AMPH: variants seen among roughly 807,000 people sequenced by gnomAD.
The protein encoded by AMPH is amphiphysin.
A neutral mutation model predicts 99.1 loss-of-function variants in AMPH; 49 were observed. That is an observed-to-expected ratio of 0.49 (90% CI 0.39 to 0.63). The LOEUF is 0.63. Ranked by LOEUF, AMPH falls within the 20% of genes least tolerant of loss-of-function variation. The pLI is 0.00. For missense variants in AMPH, 759 were observed against 863.4 expected, an observed-to-expected ratio of 0.88 and a Z score of 1.52; for synonymous variants, 314 against 317.3, an observed-to-expected ratio of 0.99 and a Z score of 0.11.
chr7:38,606,569 T>C (rs1424282605), intron 1 of AMPH, among the ~76,000 whole-genome samples: 15 of 29,710 alleles, frequency 5.0e-4, no homozygotes, highest in African/African-American at 1.4e-3. Context: ...TCATTCTCTT[T>C]TTTTTTTTTT....
At position 38,394,232 on chromosome 7, in the gene AMPH, G is replaced by T; in HGVS notation, c.1399-18C>A. ...GGTATGATCTGCAGGGCAGAAACCA[G>T]CAGGCCACGTCTGCATCTCCATGGG... On this transcript the variant is annotated intron_variant, in intron 17 of 20. Coordinates refer to ENST00000356264, the MANE Select transcript of AMPH (RefSeq NM_001635.4). The T allele has an allele frequency of 6.2e-7, 1 of 1,613,416 alleles. No individual in the cohort carries two copies. The highest frequency in any genetic ancestry group is 8.5e-7 in the Non-Finnish European group (1 of 1,179,826).
intron 1 of AMPH, among the ~76,000 whole-genome samples, chr7:38,577,080 A>G (rs1256002989): frequency 2.6e-5 from 4 of 152,214 alleles, no homozygotes; most frequent in Non-Finnish European, 4.4e-5. Flanking sequence ...CAACTGTACC[A>G]GTGTGTAATT....
At chr7:38,514,683 T>C (rs13243951) in intron 2 of AMPH, among the ~76,000 whole-genome samples, 132,441 of 152,234 alleles carry the variant, frequency 0.87, 57,919 homozygotes, top group African/African-American at 0.92. Context: ...CCGTTTTGTG[T>C]ACTTGCTTTC....
chr7:38,570,345 T>C (rs10269961), intron 1 of AMPH, among the ~76,000 whole-genome samples: 53,636 of 151,996 alleles, frequency 0.35, 9,604 homozygotes, highest in Admixed American at 0.39. Flanking sequence ...AGTTCTGATG[T>C]TTGTATCAAT....
At chr7:38,579,787 C>T (rs1323857457) in intron 1 of AMPH, among the ~76,000 whole-genome samples, 1 of 152,188 alleles carries the variant, frequency 6.6e-6, no homozygotes, top group Non-Finnish European at 1.5e-5. Context: ...TGTACCAAAT[C>T]TGAAGTATTG....
At chr7:38,518,158 A>G (rs1789823153) in intron 2 of AMPH, among the ~76,000 whole-genome samples, 1 of 152,240 alleles carries the variant, frequency 6.6e-6, no homozygotes, top group Non-Finnish European at 1.5e-5. Context: ...TAGTGTCCAC[A>G]TGGTGATAAT....
At chr7:38,525,483 TAG>T (rs1421832330) in intron 2 of AMPH, among the ~76,000 whole-genome samples, 5 of 150,256 alleles carry the variant, frequency 3.3e-5, no homozygotes, top group African/African-American at 1.2e-4. Flanking sequence ...TGTGTGTGTT[TAG>T]TTTTATGCGA....
intron 1 of AMPH, among the ~76,000 whole-genome samples, chr7:38,571,288 T>TAGA (rs1791999935): frequency 2.1e-5 from 1 of 46,960 alleles, no homozygotes; most frequent in Non-Finnish European, 3.5e-5. Context: ...TTTTTATATA[T>TAGA]ATTTATATAT....
chr7:38,484,820 A>G (rs1456802182), intron 5 of AMPH, among the ~76,000 whole-genome samples: 1 of 152,008 alleles, frequency 6.6e-6, no homozygotes. Flanking sequence ...ATATAAATAT[A>G]TGCAAATTTT....
At chr7:38,540,176 G>A (rs1227232838) in intron 1 of AMPH, among the ~76,000 whole-genome samples, 1 of 152,172 alleles carries the variant, frequency 6.6e-6, no homozygotes, top group Admixed American at 6.5e-5. Flanking sequence ...AGTGCCTCGT[G>A]CATTTTGGTT....
rs530775588 is a variant in AMPH at position 38,459,799 on chromosome 7, A to G, written c.1017+1484T>C. On this transcript the variant is annotated intron_variant, in intron 11 of 20. Transcript: ENST00000356264. ...TCAGTTTAAGGAAAATTGCATGGGT[A>G]AGACCTCAAAAGCACAGATAACTAT... 9.2e-5 allele frequency among the ~76,000 whole-genome samples: 14 copies of G among 152,172 alleles called. No individual in the cohort carries two copies. The South Asian group carries it at 2.7e-3, about 29-fold the overall frequency.
chr7:38,466,814 A>G (rs1028585738), intron 7 of AMPH, among the ~76,000 whole-genome samples: 3 of 152,202 alleles, frequency 2.0e-5, no homozygotes, highest in African/African-American at 7.2e-5. Context: ...CTAACTGCTC[A>G]TCAAAAATAA....
At chr7:38,499,021 C>T in intron 3 of AMPH, among the ~76,000 whole-genome samples, 1 of 152,150 alleles carries the variant, frequency 6.6e-6, no homozygotes, top group East Asian at 1.9e-4. Flanking sequence ...ACTTGATGGC[C>T]ACCTATGACC....
At chr7:38,388,400 T>C (rs544771453) in intron 20 of AMPH, among the ~76,000 whole-genome samples, 57 of 152,252 alleles carry the variant, frequency 3.7e-4, no homozygotes, top group African/African-American at 1.3e-3. Flanking sequence ...TTGTTAATCC[T>C]CTCAAAAACC....
intron 1 of AMPH, among the ~76,000 whole-genome samples, chr7:38,558,257 AC>A (rs960031220): frequency 2.6e-5 from 4 of 152,168 alleles, no homozygotes; most frequent in Non-Finnish European, 4.4e-5. Flanking sequence ...TAGTTCCACA[AC>A]ACACAGCTCA....
At chr7:38,570,730 T>C (rs774204778) in intron 1 of AMPH, among the ~76,000 whole-genome samples, 1 of 150,156 alleles carries the variant, frequency 6.7e-6, no homozygotes, top group Non-Finnish European at 1.5e-5. Flanking sequence ...TAAGTCAGCC[T>C]TGGGCAGGTC....
intron 1 of AMPH, among the ~76,000 whole-genome samples, chr7:38,586,210 A>G (rs1375028907): frequency 1.3e-5 from 2 of 152,212 alleles, no homozygotes; most frequent in Non-Finnish European, 2.9e-5. Context: ...ACGAACACGT[A>G]AGTAAAGAGA....
intron 1 of AMPH, among the ~76,000 whole-genome samples, chr7:38,591,048 T>A (rs533561575): frequency 6.6e-6 from 1 of 152,296 alleles, no homozygotes; most frequent in Admixed American, 6.5e-5. Flanking sequence ...AGGAGGGATA[T>A]TTTGAGAGGG....
chr7:38,610,797 CA>C (rs908395609), intron 1 of AMPH, among the ~76,000 whole-genome samples: 2 of 151,440 alleles, frequency 1.3e-5, no homozygotes, highest in African/African-American at 2.4e-5. Context: ...ACATAGCAAA[CA>C]AAAAAAATCA....
Sources: gnomAD v4.1 joint callset for allele counts (sites outside exome capture counted in the v4.1 genomes callset) on GRCh38, gnomAD v4.1.1 for gene constraint, MANE v1.5 for transcripts, NCBI Gene and HGNC (gene_info 2026-07-23, HGNC 2026-07-21) for gene names.